COL23A1: variants seen among roughly 807,000 people sequenced by gnomAD.
COL23A1 encodes the protein collagen alpha-1(XXIII) chain.
A neutral mutation model predicts 99.3 loss-of-function variants in COL23A1; 97 were observed. The observed-to-expected ratio is 0.98, with a 90% confidence interval of 0.83 to 1.16. COL23A1 has a LOEUF of 1.16. Ranked by LOEUF, COL23A1 falls within the 50% of genes most tolerant of loss-of-function variation. The pLI, the probability that COL23A1 is intolerant of heterozygous loss-of-function variation, is 0.00. For synonymous variants in COL23A1, 320 were observed against 308.2 expected, an observed-to-expected ratio of 1.04 and a Z score of -0.40; for missense variants, 762 against 757.4, an observed-to-expected ratio of 1.01 and a Z score of -0.07.
chr5:178,257,120 C>T (rs887820718), intron 13 of COL23A1, among the ~76,000 whole-genome samples, 192 bp from the exon 14 acceptor site: 1 of 152,196 alleles, frequency 6.6e-6, no homozygotes, highest in African/African-American at 2.4e-5. Context: ...GGACCACGGC[C>T]GCCACCTTCT....
intron 2 of COL23A1, among the ~76,000 whole-genome samples, chr5:178,520,358 C>G (rs1329620014): frequency 6.6e-6 from 1 of 152,164 alleles, no homozygotes; most frequent in African/African-American, 2.4e-5. Context: ...CTCCAAGACC[C>G]CTTCGGAACT....
chr5:178,349,380 C>T (rs1207747737), intron 2 of COL23A1, among the ~76,000 whole-genome samples: 3 of 152,132 alleles, frequency 2.0e-5, no homozygotes, highest in Non-Finnish European at 2.9e-5. Flanking sequence ...AGAATCACAC[C>T]GGTGTTGATA....
chr5:178,483,943 T>C (rs1335117699), intron 2 of COL23A1, among the ~76,000 whole-genome samples: 1 of 152,204 alleles, frequency 6.6e-6, no homozygotes, highest in Admixed American at 6.5e-5. Flanking sequence ...GCAAGATTTT[T>C]TTTTTTTCTT....
intron 27 of COL23A1, among the ~76,000 whole-genome samples, chr5:178,241,221 C>T (rs563608707): frequency 3.5e-4 from 53 of 151,934 alleles, no homozygotes; most frequent in Admixed American, 2.2e-3. Context: ...ACTCTGTCTC[C>T]GAAAAGAAAT....
intron 2 of COL23A1, among the ~76,000 whole-genome samples, chr5:178,502,706 T>C (rs1758637016): frequency 6.6e-6 from 1 of 152,220 alleles, no homozygotes; most frequent in African/African-American, 2.4e-5. Flanking sequence ...TGGAATCATA[T>C]TGAAAAGCTG....
chr5:178,239,511 G>A (rs1278890533), intron 27 of COL23A1, among the ~76,000 whole-genome samples: 2 of 151,370 alleles, frequency 1.3e-5, no homozygotes, highest in African/African-American at 4.9e-5. Flanking sequence ...GGGTCCTGCC[G>A]AGAGCCGTGT....
intron 2 of COL23A1, among the ~76,000 whole-genome samples, chr5:178,311,730 TTTGTTTTG>T (rs763022069): frequency 0.27 from 12,183 of 45,440 alleles, 1,616 homozygotes; most frequent in Non-Finnish European, 0.31. Context: ...TTTGTTTTGT[TTTGTTTTG>T]TTTTTTTTTT....
chr5:178,337,990 C>A (rs79750857), intron 2 of COL23A1, among the ~76,000 whole-genome samples: 3,816 of 152,206 alleles, frequency 0.025, 165 homozygotes, highest in African/African-American at 0.086. Context: ...CACCCAGGCT[C>A]CTGACAACTC....
chr5:178,273,865 T>C (rs1028169987), intron 5 of COL23A1, among the ~76,000 whole-genome samples: 1 of 152,150 alleles, frequency 6.6e-6, no homozygotes, highest in African/African-American at 2.4e-5. Context: ...TGCACCTACC[T>C]GGCTTGGGGA....
chr5:178,347,513 A>G (rs2913800), intron 2 of COL23A1, among the ~76,000 whole-genome samples: 13 of 150,668 alleles, frequency 8.6e-5, no homozygotes, highest in Non-Finnish European at 1.5e-4. Flanking sequence ...ACGGCTGCAC[A>G]GTGTGTGAAT....
chr5:178,530,996 T>C (rs1302513498), intron 2 of COL23A1, among the ~76,000 whole-genome samples: 1 of 152,186 alleles, frequency 6.6e-6, no homozygotes, highest in Non-Finnish European at 1.5e-5. Flanking sequence ...GCCTCCCAAG[T>C]AGCTGGGATT....
At chr5:178,487,414 G>C (rs1395508396) in intron 2 of COL23A1, among the ~76,000 whole-genome samples, 1 of 151,894 alleles carries the variant, frequency 6.6e-6, no homozygotes, top group Non-Finnish European at 1.5e-5. Flanking sequence ...CTGCCTCTTG[G>C]GTTCAAGCGA....
At chr5:178,444,457 A>G (rs1767050467) in intron 2 of COL23A1, among the ~76,000 whole-genome samples, 1 of 152,104 alleles carries the variant, frequency 6.6e-6, no homozygotes, top group African/African-American at 2.4e-5. Context: ...TCAAAATGAG[A>G]GGCAAATGAC....
At chr5:178,559,176 G>C (rs1020937309) in intron 2 of COL23A1, among the ~76,000 whole-genome samples, 1 of 152,150 alleles carries the variant, frequency 6.6e-6, no homozygotes, top group East Asian at 1.9e-4. Context: ...GTCCTATAAA[G>C]GCTAGCTCAA....
rs1762461242 is a variant in COL23A1, at chr5:178,366,105, T to C, written c.362-59186A>G. The stretch of plus-strand genomic sequence containing the variant: ...GTCCTCAGCATCTGGCCCAGCCCCA[T>C]GGGGACCATCTGTTAAAGCTCCATC... On this transcript the variant is annotated intron_variant, in intron 2 of 28. Coordinates refer to ENST00000390654, the MANE Select transcript of COL23A1 (RefSeq NM_173465.4). The surrounding 1 kb of genome is among the most constrained non-coding windows in gnomAD (Gnocchi z 4.4). 6.6e-6 allele frequency among the ~76,000 whole-genome samples: 1 copy of C among 152,132 alleles called. No homozygotes were observed.
At chr5:178,502,112 A>G (rs1758569776) in intron 2 of COL23A1, among the ~76,000 whole-genome samples, 1 of 152,210 alleles carries the variant, frequency 6.6e-6, no homozygotes, top group Admixed American at 6.5e-5. Flanking sequence ...TCATTTTCAC[A>G]TATGGTAAGT....
chr5:178,248,270 G>A lies in COL23A1; in HGVS notation c.1150-16C>T. 2 of 1,606,196 alleles carry A rather than the reference G, an allele frequency of 1.2e-6. No individual in the cohort carries two copies. The highest frequency in any genetic ancestry group is 8.5e-7 in the Non-Finnish European group (1 of 1,173,730). ...CGTCAGCGCCCTGCAGGACGGCAAT[G>A]GCCTGTGAGTCCTTTGTGTCCAGCA... On this transcript the variant is annotated splice_polypyrimidine_tract_variant and intron_variant, in intron 19 of 28. Transcript: ENST00000390654.
intron 5 of COL23A1, among the ~76,000 whole-genome samples, chr5:178,282,971 A>G (rs1756977437): frequency 6.6e-6 from 1 of 152,128 alleles, no homozygotes; most frequent in Non-Finnish European, 1.5e-5. Flanking sequence ...CCTGGGTTCA[A>G]GTGATTCTCC....
intron 4 of COL23A1, among the ~76,000 whole-genome samples, chr5:178,290,127 T>C (rs950222802): frequency 1.3e-5 from 2 of 152,138 alleles, no homozygotes; most frequent in Non-Finnish European, 2.9e-5. Flanking sequence ...AGACGAGGTC[T>C]CACTATGTTG....
Sources: gnomAD v4.1 joint callset for allele counts (sites outside exome capture counted in the v4.1 genomes callset) on GRCh38, gnomAD v4.1.1 for gene constraint, Gnocchi (gnomAD v3.1) non-coding constraint, MANE v1.5 for transcripts, NCBI Gene and HGNC (gene_info 2026-07-23, HGNC 2026-07-21) for gene names.